Variants in C1orf146 observed in about 807,000 individuals in gnomAD.
C1orf146 encodes chromosome 1 open reading frame 146.
Under a neutral mutation model 23.0 loss-of-function variants are expected in C1orf146, and 22 were observed. That is an observed-to-expected ratio of 0.96 (90% CI 0.68 to 1.36). The LOEUF is 1.36. C1orf146 is among the 40% of genes most tolerant of loss of function. The probability of loss-of-function intolerance (pLI) is 0.00; values close to 1 mark genes in which losing one functional copy is unlikely to be tolerated. For synonymous variants in C1orf146, 59 were observed against 65.3 expected, an observed-to-expected ratio of 0.90 and a Z score of 0.47; for missense variants, 199 against 206.8, an observed-to-expected ratio of 0.96 and a Z score of 0.23.
intron 1 of C1orf146, chr1:92,228,911 A>C: frequency 2.4e-6 from 1 of 420,032 alleles, no homozygotes; most frequent in Admixed American, 2.8e-5. Flanking sequence ...GGCTTATTCC[A>C]GATTCGTGAG....
intron 2 of C1orf146, among the ~76,000 whole-genome samples, chr1:92,237,561 A>T (rs1486949305): frequency 6.6e-6 from 1 of 152,170 alleles, no homozygotes; most frequent in Non-Finnish European, 1.5e-5. Context: ...TCAGGGATCC[A>T]CTTGAGGAGG....
intron 1 of C1orf146, among the ~76,000 whole-genome samples, chr1:92,222,487 C>G (rs994415379): frequency 2.7e-5 from 4 of 149,740 alleles, no homozygotes; most frequent in Admixed American, 6.6e-5. Flanking sequence ...CAAAGGTTTC[C>G]TCCTTCCCTT....
chr1:92,236,172 G>A (rs998645712), intron 2 of C1orf146, among the ~76,000 whole-genome samples: 1 of 151,554 alleles, frequency 6.6e-6, no homozygotes, highest in African/African-American at 2.4e-5. Context: ...TGGTTATTTT[G>A]CTCGTTAGTT....
At chr1:92,237,493 G>T (rs925071865) in intron 2 of C1orf146, among the ~76,000 whole-genome samples, 1 of 152,164 alleles carries the variant, frequency 6.6e-6, no homozygotes, top group Admixed American at 6.6e-5. Context: ...GTACCCGGCC[G>T]TATGAGGTGT....
chr1:92,230,832 T>C (rs1386550726), intron 1 of C1orf146, among the ~76,000 whole-genome samples: 1 of 152,116 alleles, frequency 6.6e-6, no homozygotes, highest in African/African-American at 2.4e-5. Flanking sequence ...TATATAGTAT[T>C]TCCCTCCATA....
chr1:92,226,488 G>T (rs1221129428), intron 1 of C1orf146, among the ~76,000 whole-genome samples: 1 of 151,952 alleles, frequency 6.6e-6, no homozygotes, highest in Non-Finnish European at 1.5e-5. Flanking sequence ...GAAATTAAGA[G>T]AACTGAGGAA....
chr1:92,236,437 C>A (rs1056912544), intron 2 of C1orf146, among the ~76,000 whole-genome samples: 2 of 152,058 alleles, frequency 1.3e-5, no homozygotes, highest in Non-Finnish European at 2.9e-5. Context: ...AATATTGGCC[C>A]CCACTCTCTT....
Position 92,224,418 on chromosome 1 carries a change from T to C in C1orf146, c.-40+6370T>C, listed in dbSNP as rs151034051. 1.1e-3 allele frequency among the ~76,000 whole-genome samples: 164 copies of C among 152,336 alleles called. 1 individual carries two copies. The highest frequency in any genetic ancestry group is 3.4e-3 in the African/African-American group (142 of 41,578). ...TTTCTTTTATGGATTGTGTTTCTGG[T>C]GTCATACTAAAAATTATTTACCTAA... is the stretch of plus-strand genomic sequence containing the variant. On this transcript the variant is annotated intron_variant, in intron 1 of 5. Coordinates refer to ENST00000370375, the MANE Select transcript of C1orf146 (RefSeq NM_001012425.2).
intron 4 of C1orf146, 116 bp from the exon 5 acceptor site, chr1:92,244,663 G>C (rs1446605494): frequency 4.4e-6 from 3 of 686,328 alleles, no homozygotes; most frequent in African/African-American, 3.6e-5. Flanking sequence ...GAGTAAGGCA[G>C]GGCATGAATG....
chr1:92,238,630 T>C (rs1287537304), intron 2 of C1orf146, among the ~76,000 whole-genome samples: 2 of 152,198 alleles, frequency 1.3e-5, no homozygotes, highest in African/African-American at 4.8e-5. Context: ...TTCCATTATT[T>C]TATTCTTTTA....
chr1:92,227,471 G>A (rs953985925), intron 1 of C1orf146, among the ~76,000 whole-genome samples: 6 of 152,014 alleles, frequency 3.9e-5, no homozygotes, highest in African/African-American at 1.2e-4. Flanking sequence ...CCCGGGAGGC[G>A]GAGGTTGCAG....
rs1652118690 is a variant in C1orf146, at chr1:92,231,473, G to C, written c.53G>C (p.Ser18Thr). The C allele has an allele frequency of 6.2e-7, 1 of 1,610,282 alleles. No individual in the cohort carries two copies. Among genetic ancestry groups the C allele is most frequent in the South Asian group, 1.1e-5 (1 of 90,168 alleles). ...AAATGGACAACCACCATTATTATTA[G>C]CTCATCTCTTAAGGTAAAGGGGCAT... ...KIKWTTTIII[S>T]SSLKSYEVAT... is the part of the protein sequence containing the mutation. Residue 18 changes from serine (S) to threonine (T), a missense_variant, in exon 2 of 6, where the codon AGC becomes ACC. Transcript: ENST00000370375.
intron 1 of C1orf146, among the ~76,000 whole-genome samples, chr1:92,222,324 CAT>C (rs199848828): frequency 0.012 from 1,891 of 152,090 alleles, 18 homozygotes; most frequent in Non-Finnish European, 0.016. Context: ...GTATATATAA[CAT>C]ATACAACATG....
rs1209023014 is a variant in C1orf146 at position 92,218,023 on chromosome 1, G to A, written c.-65G>A. 6.6e-6 allele frequency: 1 copy of A among 152,322 alleles called. No individual in the cohort carries two copies. The highest frequency in any genetic ancestry group is 2.4e-5 in the African/African-American group (1 of 41,474). The allele number at this position is 152,322 out of a possible 1,614,324, so 9.4% of individuals were successfully genotyped here. A position where few individuals can be genotyped will look rare whatever the true frequency, so the allele number is the denominator to read the frequency against. On this transcript the variant is annotated 5_prime_UTR_variant, in exon 1 of 6. Transcript: ENST00000370375. The stretch of plus-strand genomic sequence containing the variant: ...GTTCTGGAAGTTTGGGAAACCCTGA[G>A]CGGTCTCTGAGGACCTGGTGAGCAG...
chr1:92,234,124 C>T (rs1264919649), intron 2 of C1orf146, among the ~76,000 whole-genome samples: 2 of 152,130 alleles, frequency 1.3e-5, no homozygotes, highest in African/African-American at 2.4e-5. Context: ...CCTAATTGCC[C>T]TGGCCAGAAC....
intron 2 of C1orf146, among the ~76,000 whole-genome samples, chr1:92,232,281 C>T (rs1478371913): frequency 7.3e-6 from 1 of 137,624 alleles, no homozygotes; most frequent in Non-Finnish European, 1.5e-5. Flanking sequence ...CACAACAGTC[C>T]CCAGAGTGTG....
chr1:92,223,556 A>G (rs1651888863), intron 1 of C1orf146, among the ~76,000 whole-genome samples: 1 of 151,730 alleles, frequency 6.6e-6, no homozygotes, highest in Non-Finnish European at 1.5e-5. Context: ...GTTTTTTGAG[A>G]AAGTCTTGCT....
At chr1:92,235,555 G>A (rs1488961702) in intron 2 of C1orf146, among the ~76,000 whole-genome samples, 1 of 152,236 alleles carries the variant, frequency 6.6e-6, no homozygotes, top group African/African-American at 2.4e-5. Flanking sequence ...TGGAATAGGT[G>A]TGGTGTGGTG....
chr1:92,239,672 A>C (rs1329715716), intron 2 of C1orf146, among the ~76,000 whole-genome samples: 3 of 149,696 alleles, frequency 2.0e-5, no homozygotes, highest in Non-Finnish European at 4.4e-5. Context: ...GAATCATTTG[A>C]ATCTGGGAGG....
Sources: allele counts gnomAD v4.1 joint callset (sites outside exome capture counted in the v4.1 genomes callset), GRCh38; gene constraint gnomAD v4.1.1; transcripts MANE v1.5; gene names NCBI Gene and HGNC (gene_info 2026-07-23, HGNC 2026-07-21).